The following POLQ variants were observed in gnomAD, a reference collection of about 807,000 sequenced individuals.
The protein encoded by POLQ is DNA polymerase theta.
In POLQ, 233 loss-of-function variants were observed where a neutral mutation model predicts 259.2. That is an observed-to-expected ratio of 0.90 (90% CI 0.81 to 1.00). The LOEUF is 1.00. Ranked by LOEUF, POLQ falls within the 50% of genes least tolerant of loss-of-function variation. The pLI is 0.00. For missense variants in POLQ, 2,871 were observed against 3,051.6 expected (o/e 0.94, Z 1.39); for synonymous variants, 1,025 against 1,048.8 (o/e 0.98, Z 0.44).
At chr3:121,508,154 G>T (rs920512157) in intron 12 of POLQ, among the ~76,000 whole-genome samples, 4 of 151,774 alleles carry the variant, frequency 2.6e-5, no homozygotes, top group Non-Finnish European at 4.4e-5. Context: ...ACAAGTTTGG[G>T]AACACAACTA....
chr3:121,449,661 G>C (rs1276972113), intron 25 of POLQ, among the ~76,000 whole-genome samples: 4 of 152,100 alleles, frequency 2.6e-5, no homozygotes, highest in African/African-American at 9.7e-5. Context: ...TGAATGAATA[G>C]GTATGTGTGA....
At chr3:121,544,702 A>G (rs1160533804) in intron 2 of POLQ, 25 bp downstream of exon 2, 2 of 1,456,856 alleles carry the variant, frequency 1.4e-6, no homozygotes, top group Non-Finnish European at 1.9e-6. Flanking sequence ...TAAAAATAGT[A>G]ATTAGTTTAC....
At chr3:121,460,348 T>C (rs557865132) in intron 24 of POLQ, 114 bp from the exon 25 acceptor site, 13 of 693,314 alleles carry the variant, frequency 1.9e-5, no homozygotes, top group Admixed American at 2.7e-5. Flanking sequence ...ACTTAGAACT[T>C]TGAAATCACA....
At chr3:121,498,715 C>CA in intron 12 of POLQ, 45 bp from the exon 13 acceptor site, 1 of 1,350,284 alleles carries the variant, frequency 7.4e-7, no homozygotes. Context: ...TATTATATTA[C>CA]AAAAAACCAT....
At chr3:121,529,073 T>A (rs2048392608) in intron 7 of POLQ, among the ~76,000 whole-genome samples, 1 of 152,258 alleles carries the variant, frequency 6.6e-6, no homozygotes, top group East Asian at 1.9e-4. Flanking sequence ...TGTTTTTTAA[T>A]GTTTTCATGT....
intron 25 of POLQ, among the ~76,000 whole-genome samples, chr3:121,455,280 G>A (rs2047723384): frequency 7.1e-6 from 1 of 141,240 alleles, no homozygotes; most frequent in East Asian, 2.0e-4. Context: ...AGAGAAAGCA[G>A]GAAAGATCCA....
rs756028056 is a variant in POLQ, at chr3:121,493,508, A to G, written c.2492T>C (p.Val831Ala). 6.2e-7 allele frequency: 1 copy of G among 1,613,442 alleles called. No individual in the cohort carries two copies. Among genetic ancestry groups the G allele is most frequent in the Non-Finnish European group, 8.5e-7 (1 of 1,179,526 alleles). The change falls in exon 15 of 30, where the codon GTG becomes GCG. Residue 831 changes from valine (V) to alanine (A), a missense_variant. By Grantham distance (64) the Val-to-Ala change is moderately conservative. Around this residue, in one of 3 missense-constraint regions of POLQ, gnomAD observed 2,080 missense variants for 2,126.0 expected, o/e 0.98. Transcript: ENST00000264233. The stretch of plus-strand genomic sequence containing the variant: ...GAAAGGCACAGCATTTTTCAGAATC[A>G]CCTCCACCTCCACAATATTTGCTCT... ...LARANIVEVE[V>A]ILKNAVPFKS...
chr3:121,453,229 A>C (rs898144958), intron 25 of POLQ, among the ~76,000 whole-genome samples: 8 of 152,166 alleles, frequency 5.3e-5, no homozygotes, highest in Admixed American at 2.6e-4. Context: ...CCACACCAAA[A>C]ACCCATCTGT....
chr3:121,451,991 C>A (rs999498417), intron 25 of POLQ, among the ~76,000 whole-genome samples: 1 of 152,190 alleles, frequency 6.6e-6, no homozygotes, highest in Non-Finnish European at 1.5e-5. Flanking sequence ...CACTGGCGGG[C>A]GCCCCTCCCC....
rs761215710 is a variant in POLQ, at chr3:121,509,629, T to C, written c.1891A>G (p.Ile631Val). 1 of 1,613,708 alleles carries C rather than the reference T, an allele frequency of 6.2e-7. No individual in the cohort carries two copies. Among genetic ancestry groups the C allele is most frequent in the South Asian group, 1.1e-5 (1 of 91,076 alleles). The change falls in exon 12 of 30, where the codon ATT becomes GTT. Residue 631 changes from isoleucine to valine, a missense_variant. By Grantham distance (29) the Ile-to-Val change is conservative. Transcript: ENST00000264233. ...ATTGCTCTTTGCAGGTCAGCAAAAA[T>C]ATCTAAAGTATCAGCTGGAGAAAGT... ...SSLSPADTLD[I>V]FADLQRAMKG...
chr3:121,473,472 A>G lies in POLQ; in HGVS notation c.6421T>C (p.Leu2141=), dbSNP rs778729964. ...ATCTCTCTATTTGGGGGCAACTTCAATTCCAAAAATAAAACCTGCAAGAAA... is the reference window on the plus strand; with the variant it reads ...ATCTCTCTATTTGGGGGCAACTTCAGTTCCAAAAATAAAACCTGCAAGAAA... ...DDIAEVLFLE[L]KLPPNREMKN... The change falls in exon 21 of 30, where the codon TTG becomes CTG. Residue 2141 remains leucine, a synonymous_variant. Coordinates refer to ENST00000264233, the MANE Select transcript of POLQ (RefSeq NM_199420.4). The G allele has an allele frequency of 6.2e-7, 1 of 1,612,426 alleles. No individual in the cohort carries two copies. Among genetic ancestry groups the G allele is most frequent in the South Asian group, 1.1e-5 (1 of 90,694 alleles).
intron 24 of POLQ, among the ~76,000 whole-genome samples, chr3:121,463,268 G>T (rs1329797715): frequency 6.6e-6 from 1 of 152,148 alleles, no homozygotes; most frequent in East Asian, 1.9e-4. Flanking sequence ...GAGTTCCCCT[G>T]CATAAGCTCT....
intron 1 of POLQ, among the ~76,000 whole-genome samples, chr3:121,545,256 G>A (rs1173028594): frequency 6.6e-6 from 1 of 152,126 alleles, no homozygotes; most frequent in East Asian, 1.9e-4. Flanking sequence ...TTAGTTCCAT[G>A]ACGACTGCAC....
intron 24 of POLQ, among the ~76,000 whole-genome samples, chr3:121,464,320 C>A (rs1465044098): frequency 6.6e-6 from 1 of 151,976 alleles, no homozygotes; most frequent in Non-Finnish European, 1.5e-5. Context: ...CCTGGAGGAG[C>A]CCAGGAGTTC....
At chr3:121,507,591 G>A (rs374824715) in intron 12 of POLQ, among the ~76,000 whole-genome samples, 1 of 152,066 alleles carries the variant, frequency 6.6e-6, no homozygotes, top group Non-Finnish European at 1.5e-5. Context: ...GCCAGGTGTG[G>A]TGGCATGCAC....
chr3:121,493,945 A>AT (rs1287935583), intron 14 of POLQ, among the ~76,000 whole-genome samples: 2 of 152,194 alleles, frequency 1.3e-5, no homozygotes, highest in African/African-American at 4.8e-5. Flanking sequence ...ATGTCATCTT[A>AT]TTTATTCTTA....
At position 121,452,888 on chromosome 3, in the gene POLQ, G is replaced by A. The variant is rs535070159; in HGVS notation, c.7153-3462C>T. 5.9e-5 allele frequency among the ~76,000 whole-genome samples: 9 copies of A among 152,304 alleles called. No individual in the cohort carries two copies. The East Asian group carries it at 1.7e-3, about 29-fold the overall frequency. On this transcript the variant is annotated intron_variant, in intron 25 of 29. Coordinates refer to ENST00000264233, the MANE Select transcript of POLQ (RefSeq NM_199420.4). ...TCTGACAGCTTTGAAGAGAGCAGTGGTTCTCCTAGCACGCAGCTGGAGATC... is the reference window on the plus strand; with the variant it reads ...TCTGACAGCTTTGAAGAGAGCAGTGATTCTCCTAGCACGCAGCTGGAGATC...
intron 16 of POLQ, among the ~76,000 whole-genome samples, chr3:121,486,916 AG>A (rs879743413): frequency 9.3e-4 from 141 of 152,046 alleles, no homozygotes; most frequent in Middle Eastern, 3.4e-3. Flanking sequence ...AGAGAGAGAG[AG>A]AGAGAAAGAA....
At chr3:121,484,514 G>A (rs560295498) in intron 17 of POLQ, among the ~76,000 whole-genome samples, 14 of 152,262 alleles carry the variant, frequency 9.2e-5, no homozygotes, top group African/African-American at 2.6e-4. Flanking sequence ...GAATAGCCTC[G>A]TGTGACAGGC....
Sources: allele counts gnomAD v4.1 joint callset (sites outside exome capture counted in the v4.1 genomes callset), GRCh38; gene constraint gnomAD v4.1.1; regional missense constraint gnomAD v4.1.1; transcripts MANE v1.5; gene names NCBI Gene and HGNC (gene_info 2026-07-23, HGNC 2026-07-21).